The following MALRD1 variants were observed in gnomAD, a reference collection of about 807,000 sequenced individuals.
The protein encoded by MALRD1 is MAM and LDL receptor class A domain containing 1.
MALRD1 carries 247 observed loss-of-function variants against 242.1 expected under a neutral mutation model. That is an observed-to-expected ratio of 1.02 (90% CI 0.92 to 1.13). MALRD1 has a LOEUF of 1.13. Ranked by LOEUF, MALRD1 falls within the 50% of genes most tolerant of loss-of-function variation. The pLI, the probability that MALRD1 is intolerant of heterozygous loss-of-function variation, is 0.00. For missense variants in MALRD1, 2,989 were observed against 2,533.1 expected, an observed-to-expected ratio of 1.18 and a Z score of -3.86; for synonymous variants, 995 against 866.6, an observed-to-expected ratio of 1.15 and a Z score of -2.60.
chr10:19,214,472 C>A (rs1463955991), intron 18 of MALRD1, among the ~76,000 whole-genome samples: 1 of 152,202 alleles, frequency 6.6e-6, no homozygotes, highest in African/African-American at 2.4e-5. Flanking sequence ...TTTATCAATA[C>A]AGTCTGTTGC....
At chr10:19,441,927 A>G (rs1332628182) in intron 28 of MALRD1, among the ~76,000 whole-genome samples, 1 of 152,310 alleles carries the variant, frequency 6.6e-6, no homozygotes, top group African/African-American at 2.4e-5. Flanking sequence ...CTTGGGCAGT[A>G]TGGCCATTTT....
chr10:19,699,139 C>T (rs1175587066), intron 38 of MALRD1, among the ~76,000 whole-genome samples: 1 of 151,930 alleles, frequency 6.6e-6, no homozygotes, highest in East Asian at 1.9e-4. Flanking sequence ...AGCAAACCAC[C>T]ATGGCACATG....
chr10:19,477,634 G>A (rs10764036), intron 29 of MALRD1, among the ~76,000 whole-genome samples: 131,037 of 152,058 alleles, frequency 0.86, 56,628 homozygotes, highest in East Asian at 1. Flanking sequence ...GGCGAAAGAA[G>A]GAGAAAAAAG....
At chr10:19,429,689 A>G (rs1214387141) in intron 28 of MALRD1, among the ~76,000 whole-genome samples, 2 of 152,086 alleles carry the variant, frequency 1.3e-5, no homozygotes, top group Non-Finnish European at 2.9e-5. Context: ...TATCCTAGAT[A>G]TTTTACCCCC....
At position 19,567,954 on chromosome 10, in the gene MALRD1, G is replaced by A. The variant is rs368826107; in HGVS notation, c.5680+251G>A. 1.4e-4 allele frequency among the ~76,000 whole-genome samples: 21 copies of A among 152,128 alleles called. No homozygotes were observed. In the South Asian group the frequency reaches 2.7e-3, roughly 20 times the overall value. ...TAGAAACCCTGAGGAAATTTTGTTC[G>A]GTGAATGTAGCTTTATTTTCTGCTT... On this transcript the variant is annotated intron_variant, in intron 33 of 39. Coordinates refer to ENST00000454679, the MANE Select transcript of MALRD1 (RefSeq NM_001142308.3).
At chr10:19,372,553 C>T (rs1051484125) in intron 26 of MALRD1, among the ~76,000 whole-genome samples, 1 of 151,874 alleles carries the variant, frequency 6.6e-6, no homozygotes, top group Non-Finnish European at 1.5e-5. Flanking sequence ...ACTGCAACCT[C>T]CACCTCCCAG....
intron 29 of MALRD1, among the ~76,000 whole-genome samples, chr10:19,467,444 A>C (rs181787731): frequency 1.3e-5 from 2 of 150,412 alleles, no homozygotes; most frequent in African/African-American, 4.9e-5. Context: ...GCTATCTCCA[A>C]ATATACTAAC....
In MALRD1 at chr10:19,078,782, G is replaced by A. The variant is rs1312964640; in HGVS notation, c.341-9058G>A. Among the ~76,000 whole-genome samples the A allele has an allele frequency of 9.9e-5, 15 of 151,552 alleles. No homozygotes were observed. The Admixed American group carries it at 9.9e-4, about 10-fold the overall frequency. ...CTGGATATTTGTCCATCTCTTCTAG[G>A]TTATCTAATTTGGTAGTATGAAATT... On this transcript the variant is annotated intron_variant, in intron 2 of 39. Coordinates refer to ENST00000454679, the MANE Select transcript of MALRD1 (RefSeq NM_001142308.3).
intron 31 of MALRD1, among the ~76,000 whole-genome samples, chr10:19,500,129 A>G (rs1837905384): frequency 6.6e-6 from 1 of 152,168 alleles, no homozygotes; most frequent in African/African-American, 2.4e-5. Context: ...GCTTCATAGA[A>G]TGAGTTAGGG....
intron 5 of MALRD1, among the ~76,000 whole-genome samples, chr10:19,110,433 T>C (rs1049046485): frequency 1.3e-5 from 2 of 152,324 alleles, no homozygotes; most frequent in East Asian, 1.9e-4. Context: ...CATTTAAAAG[T>C]ATATCAATTG....
chr10:19,395,375 G>C (rs551166920), intron 28 of MALRD1, among the ~76,000 whole-genome samples: 1 of 152,290 alleles, frequency 6.6e-6, no homozygotes, highest in Admixed American at 6.5e-5. Flanking sequence ...ACATTGGTTT[G>C]TTCCAGAAAG....
intron 28 of MALRD1, among the ~76,000 whole-genome samples, chr10:19,447,566 C>G (rs16918803): frequency 0.15 from 22,454 of 152,018 alleles, 1,943 homozygotes; most frequent in African/African-American, 0.25. Context: ...ATCGTATGCT[C>G]TTCTTTGATG....
At chr10:19,376,108 C>T (rs927201035) in intron 26 of MALRD1, among the ~76,000 whole-genome samples, 4 of 152,124 alleles carry the variant, frequency 2.6e-5, no homozygotes, top group Non-Finnish European at 5.9e-5. Context: ...GGTGACAGAG[C>T]GAGACTTCGT....
At chr10:19,208,519 A>T (rs1008954546) in intron 17 of MALRD1, among the ~76,000 whole-genome samples, 5 of 152,138 alleles carry the variant, frequency 3.3e-5, no homozygotes, top group African/African-American at 1.2e-4. Flanking sequence ...CCATTGAAGG[A>T]TTGTTACCTT....
At chr10:19,699,668 A>C (rs1040676626) in intron 38 of MALRD1, among the ~76,000 whole-genome samples, 5 of 152,308 alleles carry the variant, frequency 3.3e-5, no homozygotes, top group African/African-American at 1.2e-4. Flanking sequence ...GCATAGCACC[A>C]GCATCTGCTT....
At position 19,491,300 on chromosome 10, in the gene MALRD1, A is replaced by G. The variant is rs1296742741; in HGVS notation, c.5030-217A>G. 5 of 705,774 alleles carry G rather than the reference A, an allele frequency of 7.1e-6. No individual in the cohort carries two copies. The African/African-American group carries it at 9.0e-5, about 13-fold the overall frequency. The allele number at this position is 705,774 out of a possible 1,614,324, so 43.7% of individuals were successfully genotyped here. A position where few individuals can be genotyped will look rare whatever the true frequency, so the allele number is the denominator to read the frequency against. ...GCAAGGAGATTTTCAGCACCATCAA[A>G]GTGCATAAAAGATATTTCAGAAGTA... On this transcript the variant is annotated intron_variant, in intron 29 of 39. Transcript: ENST00000454679.
intron 36 of MALRD1, among the ~76,000 whole-genome samples, chr10:19,687,952 T>C (rs1161930978): frequency 6.6e-6 from 1 of 151,150 alleles, no homozygotes; most frequent in Non-Finnish European, 1.5e-5. Context: ...TGTTATGTTA[T>C]GTTATGTTAT....
chr10:19,583,735 T>C (rs1279403370), intron 33 of MALRD1, among the ~76,000 whole-genome samples: 1 of 151,790 alleles, frequency 6.6e-6, no homozygotes, highest in Non-Finnish European at 1.5e-5. Context: ...GATGCTGGCC[T>C]CATAAAATGA....
At chr10:19,552,096 C>G (rs1259360906) in intron 32 of MALRD1, among the ~76,000 whole-genome samples, 2 of 152,090 alleles carry the variant, frequency 1.3e-5, no homozygotes, top group Non-Finnish European at 2.9e-5. Flanking sequence ...CAGGATGATG[C>G]TGGCCTCATA....
Sources: allele counts gnomAD v4.1 joint callset (sites outside exome capture counted in the v4.1 genomes callset), GRCh38; gene constraint gnomAD v4.1.1; transcripts MANE v1.5; gene names NCBI Gene and HGNC (gene_info 2026-07-23, HGNC 2026-07-21).